The following CNTN3 variants were observed in gnomAD, a reference collection of about 807,000 sequenced individuals.
CNTN3 encodes contactin 3.
CNTN3 carries 60 observed loss-of-function variants against 119.1 expected under a neutral mutation model. The observed-to-expected ratio is 0.50, with a 90% CI of 0.41 to 0.62. The LOEUF (loss-of-function observed/expected upper bound fraction) is 0.62. CNTN3 is among the 20% of genes least tolerant of loss of function. The pLI, the probability that CNTN3 is intolerant of heterozygous loss-of-function variation, is 0.00. For missense variants in CNTN3, 1,101 were observed against 1,242.4 expected, an observed-to-expected ratio of 0.89 and a Z score of 1.71; for synonymous variants, 450 against 438.7, an observed-to-expected ratio of 1.03 and a Z score of -0.32.
At chr3:74,388,056 A>C (rs1230782499) in intron 5 of CNTN3, among the ~76,000 whole-genome samples, 1 of 152,180 alleles carries the variant, frequency 6.6e-6, no homozygotes, top group African/African-American at 2.4e-5. Flanking sequence ...CTCCCGGCTG[A>C]TGGCTGAGGC....
intron 5 of CNTN3, among the ~76,000 whole-genome samples, chr3:74,421,836 C>G (rs999534005): frequency 1.3e-5 from 2 of 152,154 alleles, no homozygotes; most frequent in East Asian, 1.9e-4. Context: ...GGCTCATACC[C>G]TCTACTGAAT....
chr3:74,270,700 A>G (rs537670677), intron 20 of CNTN3, among the ~76,000 whole-genome samples: 2 of 152,256 alleles, frequency 1.3e-5, no homozygotes, highest in Admixed American at 6.5e-5. Flanking sequence ...TACTTTTTGT[A>G]TTTGAACCTG....
At chr3:74,376,181 C>G (rs896433942) in intron 5 of CNTN3, among the ~76,000 whole-genome samples, 2 of 152,156 alleles carry the variant, frequency 1.3e-5, no homozygotes, top group Non-Finnish European at 2.9e-5. Context: ...TTGAGACTTG[C>G]GTTGGACTTC....
chr3:74,414,251 GA>G (rs963107345), intron 5 of CNTN3, among the ~76,000 whole-genome samples: 1 of 152,026 alleles, frequency 6.6e-6, no homozygotes, highest in Non-Finnish European at 1.5e-5. Flanking sequence ...AAAGTTCAGG[GA>G]AAAAAATCTG....
At position 74,285,274 on chromosome 3, in the gene CNTN3, G is replaced by A. The variant is rs138017219; in HGVS notation, c.2704+31C>T. 388 of 1,564,710 alleles carry A rather than the reference G, an allele frequency of 2.5e-4. 1 individual carries two copies. In the African/African-American group the frequency reaches 3.3e-3, roughly 13 times the overall value. On this transcript the variant is annotated intron_variant, in intron 20 of 22. Coordinates refer to ENST00000263665, the MANE Select transcript of CNTN3 (RefSeq NM_020872.3). The stretch of plus-strand genomic sequence containing the variant: ...TCCTTTTTAATGCAAACTATTTTCC[G>A]TACCATTCAAAGAAATCAGAATATA...
At chr3:74,598,599 T>C (rs1451981010) in intron 1 of CNTN3, among the ~76,000 whole-genome samples, 1 of 152,114 alleles carries the variant, frequency 6.6e-6, no homozygotes, top group African/African-American at 2.4e-5. Context: ...GAATTCAATA[T>C]AATGTGATTT....
chr3:74,313,605 T>G (rs760750039), intron 13 of CNTN3, among the ~76,000 whole-genome samples: 1 of 152,190 alleles, frequency 6.6e-6, no homozygotes, highest in Non-Finnish European at 1.5e-5. Flanking sequence ...TTTCTGTGCA[T>G]ACGTGGGAGT....
rs755583271 is a variant in CNTN3, at chr3:74,297,964, T to C, written c.2394A>G (p.Ala798=). ...CAGTCATGTTTTCCATACCTTCTTC[T>C]GCAGAGAACACTGTTGTCACTGGGC... ...PFSPVTTVFS[A]EEEPTVAPSQ... Residue 798 remains alanine, a synonymous_variant, in exon 18 of 23, where the codon GCA becomes GCG. Transcript: ENST00000263665. 3 of 1,611,518 alleles carry C rather than the reference T, an allele frequency of 1.9e-6. No homozygotes were observed. The highest frequency in any genetic ancestry group is 2.5e-6 in the Non-Finnish European group (3 of 1,177,860).
intron 13 of CNTN3, among the ~76,000 whole-genome samples, chr3:74,314,140 C>T (rs1702768875): frequency 6.6e-6 from 1 of 151,786 alleles, no homozygotes; most frequent in South Asian, 2.1e-4. Flanking sequence ...TTTGAGAAGA[C>T]ACAAATATTT....
In CNTN3 at chr3:74,501,785, C is replaced by T. The variant is rs557401128; in HGVS notation, c.56-2000G>A. On this transcript the variant is annotated intron_variant, in intron 2 of 22. Transcript: ENST00000263665. The stretch of plus-strand genomic sequence containing the variant: ...TACTTTCATCTATCAGGGGAAATTG[C>T]CAAAGGAAAAAAAAAAAGCTTCCGT... 7.5e-3 allele frequency among the ~76,000 whole-genome samples: 157 copies of T among 20,934 alleles called. 2 individuals carry two copies. The highest frequency in any genetic ancestry group is 0.067 in the South Asian group (56 of 838). 13.7% of individuals were successfully genotyped at this position (20,934 alleles called of 152,430 possible). A position where few individuals can be genotyped will look rare whatever the true frequency, so the allele number is the denominator to read the frequency against.
intron 4 of CNTN3, among the ~76,000 whole-genome samples, chr3:74,436,243 C>A (rs1701863943): frequency 6.6e-6 from 1 of 152,200 alleles, no homozygotes; most frequent in South Asian, 2.1e-4. Context: ...AAATACCCCT[C>A]CTATGTGAAA....
rs145422980 is a variant in CNTN3 at position 74,576,870 on chromosome 3, T to C, written c.-81+37521A>G. ...CCCTACTGGAAACATACAATATTTATATTCTGGGCTTAAACTCCCACTTAA... is the reference window on the plus strand; with the variant it reads ...CCCTACTGGAAACATACAATATTTACATTCTGGGCTTAAACTCCCACTTAA... On this transcript the variant is annotated intron_variant, in intron 1 of 22. Coordinates refer to ENST00000263665, the MANE Select transcript of CNTN3 (RefSeq NM_020872.3). Among the ~76,000 whole-genome samples the C allele has an allele frequency of 4.1e-3, 620 of 152,286 alleles. 7 individuals are homozygous for C. Among genetic ancestry groups the C allele is most frequent in the African/African-American group, 0.014 (591 of 41,554 alleles).
At chr3:74,497,367 A>T (rs142760813) in intron 3 of CNTN3, among the ~76,000 whole-genome samples, 1 of 152,082 alleles carries the variant, frequency 6.6e-6, no homozygotes, top group African/African-American at 2.4e-5. Flanking sequence ...TCATCTAAAA[A>T]GACAAATTTG....
At chr3:74,274,127 G>A (rs147526048) in intron 20 of CNTN3, among the ~76,000 whole-genome samples, 90 of 151,850 alleles carry the variant, frequency 5.9e-4, no homozygotes, top group African/African-American at 2.0e-3. Context: ...GGAACCTCAC[G>A]CCCATCCCCC....
intron 1 of CNTN3, among the ~76,000 whole-genome samples, chr3:74,592,784 A>G (rs975337568): frequency 5.9e-5 from 9 of 151,978 alleles, no homozygotes; most frequent in Non-Finnish European, 1.2e-4. Flanking sequence ...AACCTTAAAC[A>G]AAACTTTACA....
intron 4 of CNTN3, among the ~76,000 whole-genome samples, chr3:74,479,375 T>C (rs1702721027): frequency 6.6e-6 from 1 of 152,042 alleles, no homozygotes; most frequent in Non-Finnish European, 1.5e-5. Context: ...CCTAGAAGCC[T>C]CCCTAGAGAA....
Position 74,292,532 on chromosome 3 carries a change from C to G in CNTN3, c.2517+2589G>C, listed in dbSNP as rs560317578. ...GGTGAGCTGAGATCATGCCACTGCA[C>G]TCCAGCCTGGGCAACAAGAGCGAAA... On this transcript the variant is annotated intron_variant, in intron 19 of 22. Coordinates refer to ENST00000263665, the MANE Select transcript of CNTN3 (RefSeq NM_020872.3). Among the ~76,000 whole-genome samples the G allele has an allele frequency of 9.8e-4, 150 of 152,312 alleles. 4 individuals carry two copies. The highest frequency in any genetic ancestry group is 2.7e-3 in the African/African-American group (112 of 41,564).
At chr3:74,415,301 G>C (rs115527164) in intron 5 of CNTN3, among the ~76,000 whole-genome samples, 2,957 of 152,140 alleles carry the variant, frequency 0.019, 102 homozygotes, top group African/African-American at 0.067. Context: ...TCTGAAGCTT[G>C]GGGGAAATTC....
At chr3:74,332,506 A>G (rs1703288554) in intron 13 of CNTN3, among the ~76,000 whole-genome samples, 1 of 152,214 alleles carries the variant, frequency 6.6e-6, no homozygotes, top group Admixed American at 6.5e-5. Context: ...TTTAGAACCT[A>G]TCAGTGCTAT....
Sources: allele counts gnomAD v4.1 joint callset (sites outside exome capture counted in the v4.1 genomes callset), GRCh38; gene constraint gnomAD v4.1.1; transcripts MANE v1.5; gene names NCBI Gene and HGNC (gene_info 2026-07-23, HGNC 2026-07-21).